The following VPS53 variants were observed in gnomAD, a reference collection of about 807,000 sequenced individuals.
The protein encoded by VPS53 is VPS53 subunit of GARP complex, also known as vacuolar protein sorting-associated protein 53 homolog.
In VPS53, 70 loss-of-function variants were observed where a neutral mutation model predicts 107.0. That is an observed-to-expected ratio of 0.65 (90% confidence interval 0.54 to 0.80). The LOEUF is 0.80. VPS53 is among the 30% of genes least tolerant of loss of function. VPS53 has a pLI of 0.00. For synonymous variants in VPS53, 409 were observed against 393.3 expected, an observed-to-expected ratio of 1.04 and a Z score of -0.47; for missense variants, 917 against 1,049.4, an observed-to-expected ratio of 0.87 and a Z score of 1.74.
chr17:631,515 T>A (rs777506173), intron 8 of VPS53, 35 bp downstream of exon 8: 1 of 1,604,044 alleles, frequency 6.2e-7, no homozygotes, highest in Non-Finnish European at 8.5e-7. Context: ...AGGATGGTGA[T>A]CATCTCTAAA....
At chr17:537,291 A>G in intron 17 of VPS53, 115 bp from the exon 18 acceptor site, 1 of 1,228,356 alleles carries the variant, frequency 8.1e-7, no homozygotes, top group South Asian at 1.5e-5. Context: ...TATCCCAGGA[A>G]TCAGGCCCTT....
At chr17:548,934 C>T (rs1024462890) in intron 17 of VPS53, among the ~76,000 whole-genome samples, 13 of 152,200 alleles carry the variant, frequency 8.5e-5, no homozygotes, top group South Asian at 2.1e-4. Context: ...CTTTGCCTCC[C>T]CACCTGGATA....
chr17:642,603 T>C, intron 7 of VPS53, among the ~76,000 whole-genome samples: 1 of 149,208 alleles, frequency 6.7e-6, no homozygotes, highest in Admixed American at 6.7e-5. Context: ...ACACTCATAC[T>C]TGGCAACTGG....
At chr17:662,564 C>T (rs892050563) in intron 4 of VPS53, among the ~76,000 whole-genome samples, 1 of 151,950 alleles carries the variant, frequency 6.6e-6, no homozygotes, top group Non-Finnish European at 1.5e-5. Context: ...TGGCACGCAC[C>T]TGTAGTCCCA....
chr17:653,595 A>C (rs1971050968), intron 6 of VPS53, among the ~76,000 whole-genome samples, 185 bp from the exon 7 acceptor site: 1 of 152,188 alleles, frequency 6.6e-6, no homozygotes, highest in South Asian at 2.1e-4. Flanking sequence ...CAAATCCTCA[A>C]GGTGACACCA....
At chr17:610,753 T>TAAAAAAAAAA (rs34089454) in intron 11 of VPS53, among the ~76,000 whole-genome samples, 5 of 128,910 alleles carry the variant, frequency 3.9e-5, no homozygotes, top group African/African-American at 8.7e-5. Flanking sequence ...CCGCCTCTAC[T>TAAAAAAAAAA]AAAAAAAAAA....
At chr17:652,779 C>G (rs1306323047) in intron 7 of VPS53, among the ~76,000 whole-genome samples, 1 of 152,180 alleles carries the variant, frequency 6.6e-6, no homozygotes, top group Non-Finnish European at 1.5e-5. Context: ...GAAATAGATA[C>G]CTAGAACAGT....
intron 17 of VPS53, among the ~76,000 whole-genome samples, chr17:549,825 G>T (rs983288818): frequency 6.6e-6 from 1 of 152,200 alleles, no homozygotes; most frequent in East Asian, 1.9e-4. Context: ...GAGAATACTG[G>T]AAGTACCCAT....
At chr17:563,866 T>C (rs964763161) in intron 13 of VPS53, among the ~76,000 whole-genome samples, 3 of 152,168 alleles carry the variant, frequency 2.0e-5, no homozygotes, top group Non-Finnish European at 4.4e-5. Context: ...AAAGAGAAAC[T>C]GTGAAATGTG....
intron 4 of VPS53, chr17:674,844 T>C (rs1376960830): frequency 1.3e-5 from 2 of 152,244 alleles, no homozygotes; most frequent in African/African-American, 2.4e-5. Context: ...TTCGTGTGAT[T>C]TTGGGCACGT....
chr17:519,739 C>T lies in VPS53; in HGVS notation c.2328+87G>A, dbSNP rs1908577469. On this transcript the variant is annotated intron_variant, in intron 21 of 21. Transcript: ENST00000437048. This position sits in a 1 kb window ranked among gnomAD's most constrained non-coding sequence, Gnocchi z 5.0. ...AGGCACATGCATTTTGAGAAAGCCC[C>T]CCCGGAACTTATATCCCAATTCCCG... The T allele has an allele frequency of 2.0e-6, 2 of 1,003,884 alleles. No individual in the cohort carries two copies. The highest frequency in any genetic ancestry group is 1.6e-5 in the African/African-American group (1 of 62,034). 62.2% of individuals were successfully genotyped at this position (1,003,884 alleles called of 1,614,324 possible).
chr17:575,606 C>G (rs898437264), intron 13 of VPS53, among the ~76,000 whole-genome samples: 2 of 151,822 alleles, frequency 1.3e-5, no homozygotes, highest in African/African-American at 4.8e-5. Flanking sequence ...TCAATGCATT[C>G]CCAGAGAACT....
chr17:530,279 G>C (rs535038084), intron 19 of VPS53, among the ~76,000 whole-genome samples: 42 of 151,228 alleles, frequency 2.8e-4, no homozygotes, highest in African/African-American at 4.4e-4. Flanking sequence ...TCAGCCTCTC[G>C]AGCAGCTGGG....
chr17:575,950 G>A (rs1914566328), intron 13 of VPS53, among the ~76,000 whole-genome samples: 1 of 150,908 alleles, frequency 6.6e-6, no homozygotes, highest in South Asian at 2.1e-4. Context: ...GGACCTAAAT[G>A]TGTTCCCAGA....
intron 4 of VPS53, among the ~76,000 whole-genome samples, chr17:666,701 T>C (rs1197337824): frequency 6.6e-6 from 1 of 151,276 alleles, no homozygotes; most frequent in African/African-American, 2.4e-5. Flanking sequence ...ATGTGGATCA[T>C]GAGGTCAAGA....
At chr17:528,595 C>CTTTTT (rs138081726) in intron 19 of VPS53, among the ~76,000 whole-genome samples, 12 of 101,264 alleles carry the variant, frequency 1.2e-4, no homozygotes, top group Non-Finnish European at 2.2e-4. Context: ...TTTTTCAATT[C>CTTTTT]TTTTTTTTTT....
chr17:639,780 C>T (rs996910921), intron 7 of VPS53, among the ~76,000 whole-genome samples: 10 of 152,284 alleles, frequency 6.6e-5, no homozygotes, highest in South Asian at 2.1e-4. Flanking sequence ...CAGAGGGGTA[C>T]GTGGCTGTGT....
intron 17 of VPS53, chr17:538,569 G>A (rs1352449132): frequency 2.0e-5 from 3 of 152,192 alleles, no homozygotes; most frequent in Non-Finnish European, 4.4e-5. Context: ...CTCCAGCTGT[G>A]GGAAGCTCAA....
intron 4 of VPS53, among the ~76,000 whole-genome samples, chr17:685,409 T>G (rs540993570): frequency 1.3e-4 from 20 of 152,348 alleles, no homozygotes; most frequent in African/African-American, 4.6e-4. Flanking sequence ...GTAGAAACCA[T>G]ACTTTGGGTA....
Sources: allele counts gnomAD v4.1 joint callset (sites outside exome capture counted in the v4.1 genomes callset), GRCh38; gene constraint gnomAD v4.1.1; non-coding constraint Gnocchi (gnomAD v3.1); transcripts MANE v1.5; gene names NCBI Gene and HGNC (gene_info 2026-07-23, HGNC 2026-07-21).